LRRC4C: variants seen among roughly 807,000 people sequenced by gnomAD.
LRRC4C encodes the protein leucine-rich repeat-containing protein 4C.
In LRRC4C, 5 loss-of-function variants were observed where a neutral mutation model predicts 33.6. The observed-to-expected ratio is 0.15, with a 90% CI of 0.08 to 0.31. The LOEUF (loss-of-function observed/expected upper bound fraction) is 0.31, where lower values mean the gene tolerates loss of function less well. Ranked by LOEUF, LRRC4C falls within the 10% of genes least tolerant of loss-of-function variation. The pLI is 1.00. For missense variants in LRRC4C, 560 were observed against 796.7 expected (o/e 0.70, Z 3.58); for synonymous variants, 329 against 302.0 (o/e 1.09, Z -0.93).
At chr11:40,713,533 A>T (rs948671467) in intron 2 of LRRC4C, among the ~76,000 whole-genome samples, 1 of 152,148 alleles carries the variant, frequency 6.6e-6, no homozygotes, top group Non-Finnish European at 1.5e-5. Flanking sequence ...AGAACTCTTA[A>T]TTGTTTCTTC....
At chr11:41,025,401 A>G (rs1221758239) in intron 1 of LRRC4C, among the ~76,000 whole-genome samples, 1 of 151,758 alleles carries the variant, frequency 6.6e-6, no homozygotes, top group African/African-American at 2.4e-5. Flanking sequence ...CTTATTGCTG[A>G]TATGAGGAAA....
chr11:41,397,286 G>T (rs972225375), intron 1 of LRRC4C, among the ~76,000 whole-genome samples: 41 of 151,636 alleles, frequency 2.7e-4, no homozygotes, highest in Non-Finnish European at 1.5e-4. Context: ...CACCTCTTTT[G>T]CCCTTGCCAC....
chr11:41,051,533 A>C (rs1590361456), intron 1 of LRRC4C, among the ~76,000 whole-genome samples: 1 of 62,894 alleles, frequency 1.6e-5, no homozygotes, highest in African/African-American at 5.1e-5. Context: ...AAAAAAAAAA[A>C]AAAAAAAAAA....
In LRRC4C at chr11:41,187,051, C is replaced by T. The variant is rs926480776; in HGVS notation, c.-495-253328G>A. On this transcript the variant is annotated intron_variant, in intron 1 of 6. Coordinates refer to ENST00000528697, the MANE Select transcript of LRRC4C (RefSeq NM_001258419.2). ...TGACCTTGGACATGTTAATTAAGCT[C>T]CCTGATTATATACATTTTCATCTAT... 3.3e-5 allele frequency among the ~76,000 whole-genome samples: 5 copies of T among 152,114 alleles called. No homozygotes were observed. In the South Asian group the frequency reaches 1.0e-3, roughly 31 times the overall value.
intron 3 of LRRC4C, among the ~76,000 whole-genome samples, chr11:40,570,264 A>T (rs997659721): frequency 6.6e-6 from 1 of 152,100 alleles, no homozygotes; most frequent in Admixed American, 6.6e-5. Context: ...CACCACTTTT[A>T]TACTGGGGAA....
intron 3 of LRRC4C, among the ~76,000 whole-genome samples, chr11:40,404,763 A>G (rs1223140052): frequency 6.6e-6 from 1 of 152,072 alleles, no homozygotes; most frequent in African/African-American, 2.4e-5. Flanking sequence ...TTATCCTTAA[A>G]TATAGTTCAG....
chr11:40,880,392 C>G (rs1161969229), intron 2 of LRRC4C, among the ~76,000 whole-genome samples: 1 of 152,002 alleles, frequency 6.6e-6, no homozygotes, highest in African/African-American at 2.4e-5. Context: ...ATTTTTGACT[C>G]TTGTAGGAGT....
At chr11:40,849,830 C>A (rs1440832937) in intron 2 of LRRC4C, among the ~76,000 whole-genome samples, 2 of 151,396 alleles carry the variant, frequency 1.3e-5, no homozygotes, top group Non-Finnish European at 2.9e-5. Context: ...AGGCTTTGTT[C>A]TTTTCATTTT....
chr11:40,423,633 C>T (rs925958765), intron 3 of LRRC4C, among the ~76,000 whole-genome samples: 1 of 152,182 alleles, frequency 6.6e-6, no homozygotes, highest in Non-Finnish European at 1.5e-5. Flanking sequence ...CGTGAGCCAC[C>T]GCGTCCGGCT....
rs141159026 is a variant in LRRC4C, at chr11:40,853,310, T to C, written c.-407+80325A>G. Reference sequence around the variant, plus strand: ...CTTTCTATGCACAAATATATAGATATACATATATGTGTGTCTATATGCTTT... The same window carrying C: ...CTTTCTATGCACAAATATATAGATACACATATATGTGTGTCTATATGCTTT... On this transcript the variant is annotated intron_variant, in intron 2 of 6. Coordinates refer to ENST00000528697, the MANE Select transcript of LRRC4C (RefSeq NM_001258419.2). Among the ~76,000 whole-genome samples the C allele has an allele frequency of 6.6e-5, 10 of 151,480 alleles. No individual in the cohort carries two copies. In the East Asian group the frequency reaches 1.4e-3, roughly 21 times the overall value.
rs565078220 is a variant in LRRC4C at position 40,466,020 on chromosome 11, G to T, written c.-269-146299C>A. Among the ~76,000 whole-genome samples, 10 of 152,040 alleles carry T rather than the reference G, an allele frequency of 6.6e-5. No individual in the cohort carries two copies. The Middle Eastern group carries it at 0.01, about 155-fold the overall frequency. On this transcript the variant is annotated intron_variant, in intron 3 of 6. Coordinates refer to ENST00000528697, the MANE Select transcript of LRRC4C (RefSeq NM_001258419.2). ...GAGCAAAAATATAGAATCAACCTAA[G>T]TGTCCATCAATGGATGACTGAATAA...
At chr11:41,182,462 T>C (rs1439735122) in intron 1 of LRRC4C, among the ~76,000 whole-genome samples, 1 of 152,146 alleles carries the variant, frequency 6.6e-6, no homozygotes, top group African/African-American at 2.4e-5. Flanking sequence ...AAAACCTAGG[T>C]TCAAGGTCTG....
chr11:40,214,329 G>A (rs1863821433), intron 5 of LRRC4C, among the ~76,000 whole-genome samples: 1 of 152,156 alleles, frequency 6.6e-6, no homozygotes, highest in Non-Finnish European at 1.5e-5. Context: ...CCATTCTTGC[G>A]AGACTGTCTT....
chr11:41,197,914 A>G (rs192381127), intron 1 of LRRC4C, among the ~76,000 whole-genome samples: 523 of 152,062 alleles, frequency 3.4e-3, no homozygotes, highest in Non-Finnish European at 5.7e-3. Flanking sequence ...AGCTGATATC[A>G]ATAGCAATGA....
intron 2 of LRRC4C, among the ~76,000 whole-genome samples, chr11:40,801,467 T>G (rs1490853961): frequency 6.6e-6 from 1 of 152,186 alleles, no homozygotes; most frequent in Non-Finnish European, 1.5e-5. Context: ...GTGGTTTAAG[T>G]GTATTTTTAT....
rs77918293 is a variant in LRRC4C at position 41,370,108 on chromosome 11, T to C, written c.-496+89323A>G. 3.7e-3 allele frequency among the ~76,000 whole-genome samples: 563 copies of C among 152,346 alleles called. 3 individuals carry two copies. Among genetic ancestry groups the C allele is most frequent in the African/African-American group, 0.013 (523 of 41,570 alleles). ...AACATAGACGTGGCACACTTCTTTA[T>C]ACTCACATTTCAGAAAATCTCATCT... On this transcript the variant is annotated intron_variant, in intron 1 of 6. Coordinates refer to ENST00000528697, the MANE Select transcript of LRRC4C (RefSeq NM_001258419.2).
intron 1 of LRRC4C, chr11:41,222,894 A>G (rs1947370929): frequency 6.6e-6 from 1 of 150,954 alleles, no homozygotes; most frequent in Non-Finnish European, 1.5e-5. Context: ...CTTTCAGGGC[A>G]TTCACTCTTG....
intron 1 of LRRC4C, among the ~76,000 whole-genome samples, chr11:41,374,394 A>T (rs914312932): frequency 6.6e-6 from 1 of 152,212 alleles, no homozygotes; most frequent in Non-Finnish European, 1.5e-5. Flanking sequence ...TTTTGTTCCA[A>T]GTGTTTAAAT....
intron 3 of LRRC4C, among the ~76,000 whole-genome samples, chr11:40,586,962 T>C (rs1014968569): frequency 2.0e-5 from 3 of 152,120 alleles, no homozygotes; most frequent in Admixed American, 2.0e-4. Context: ...ATGCGGGCTC[T>C]TTTTTGGTTC....
Sources: allele counts gnomAD v4.1 joint callset (sites outside exome capture counted in the v4.1 genomes callset), GRCh38; gene constraint gnomAD v4.1.1; transcripts MANE v1.5; gene names NCBI Gene and HGNC (gene_info 2026-07-23, HGNC 2026-07-21).